CTNNA2: variants seen among roughly 807,000 people sequenced by gnomAD.
CTNNA2 encodes the protein catenin alpha-2.
A neutral mutation model predicts 101.0 loss-of-function variants in CTNNA2; 42 were observed. The ratio of observed to expected loss-of-function variants is 0.42; its 90% CI spans 0.32 to 0.54. The LOEUF (loss-of-function observed/expected upper bound fraction) is 0.54. Among genes scored for constraint, CTNNA2 ranks in the 20% least tolerant of loss-of-function variants. The pLI, the probability that CTNNA2 is intolerant of heterozygous loss-of-function variation, is 0.14. For synonymous variants in CTNNA2, 450 were observed against 456.4 expected (o/e 0.99, Z 0.18); for missense variants, 871 against 1,223.1 (o/e 0.71, Z 4.29).
At chr2:80,461,941 G>A (rs1572948496) in intron 9 of CTNNA2, among the ~76,000 whole-genome samples, 1 of 152,200 alleles carries the variant, frequency 6.6e-6, no homozygotes, top group Admixed American at 6.5e-5. Context: ...AGGTTGAGTG[G>A]GCTTTGTGCT....
In CTNNA2 at chr2:80,648,068, C is replaced by T; in HGVS notation, c.*196C>T. 2.0e-6 allele frequency: 1 copy of T among 507,104 alleles called. No homozygotes were observed. The highest frequency in any genetic ancestry group is 3.5e-6 in the Non-Finnish European group (1 of 289,482). 31.4% of individuals were successfully genotyped at this position (507,104 alleles called of 1,614,324 possible). A position where few individuals can be genotyped will look rare whatever the true frequency, so the allele number is the denominator to read the frequency against. On this transcript the variant is annotated 3_prime_UTR_variant, in exon 19 of 19. Coordinates refer to ENST00000402739, the MANE Select transcript of CTNNA2 (RefSeq NM_001282597.3). ...TCTGTAGCCTGGGAAGGAGACAGGA[C>T]ATTCCTGTACTAAGGTGGCACAGAG...
At position 80,427,593 on chromosome 2, in the gene CTNNA2, ATCT is replaced by A. The variant is rs76257393; in HGVS notation, c.1290+7997_1290+7999del. Among the ~76,000 whole-genome samples, 70 of 152,312 alleles carry A rather than the reference ATCT, an allele frequency of 4.6e-4. 1 individual carries two copies. The East Asian group carries it at 0.013, about 29-fold the overall frequency. ...CAAGGGAATCTCAATTCTTTGCTTC[ATCT>A]TCTTGACTTAGTTACTCCTGATAGC... On this transcript the variant is annotated intron_variant, in intron 9 of 18. Coordinates refer to ENST00000402739, the MANE Select transcript of CTNNA2 (RefSeq NM_001282597.3).
intron 9 of CTNNA2, among the ~76,000 whole-genome samples, chr2:80,454,289 G>A (rs550313247): frequency 4.6e-5 from 7 of 152,258 alleles, no homozygotes; most frequent in Admixed American, 3.3e-4. Flanking sequence ...CTCATTGCAG[G>A]AAGAGCTTTC....
chr2:79,813,509 G>C (rs1344605041), intron 3 of CTNNA2, among the ~76,000 whole-genome samples: 1 of 152,136 alleles, frequency 6.6e-6, no homozygotes, highest in Non-Finnish European at 1.5e-5. Context: ...TGAGCAAATG[G>C]TGGCATCATT....
At chr2:80,599,189 C>T (rs1305982314) in intron 15 of CTNNA2, among the ~76,000 whole-genome samples, 2 of 152,124 alleles carry the variant, frequency 1.3e-5, no homozygotes, top group Non-Finnish European at 2.9e-5. Flanking sequence ...TAAAATTAAA[C>T]TTAGTTCCTC....
chr2:80,267,031 G>A (rs1451745627), intron 7 of CTNNA2, among the ~76,000 whole-genome samples: 1 of 152,152 alleles, frequency 6.6e-6, no homozygotes, highest in African/African-American at 2.4e-5. Flanking sequence ...ATGTTGTGAG[G>A]ATCAAGGAAG....
At chr2:80,144,738 A>G (rs576093497) in intron 7 of CTNNA2, among the ~76,000 whole-genome samples, 1 of 152,220 alleles carries the variant, frequency 6.6e-6, no homozygotes, top group African/African-American at 2.4e-5. Flanking sequence ...TAACCACACA[A>G]TCTTCATTAA....
chr2:80,263,916 G>A (rs1433777242), intron 7 of CTNNA2, among the ~76,000 whole-genome samples: 1 of 152,130 alleles, frequency 6.6e-6, no homozygotes, highest in Non-Finnish European at 1.5e-5. Flanking sequence ...TGAAAGCAAT[G>A]CATTATTGCA....
chr2:79,939,904 C>T (rs1241780786), intron 7 of CTNNA2, among the ~76,000 whole-genome samples: 4 of 152,070 alleles, frequency 2.6e-5, no homozygotes, highest in Non-Finnish European at 4.4e-5. Flanking sequence ...ACCAGCCTGA[C>T]CAACAGGGAG....
At chr2:80,359,971 TTG>T (rs1559042555) in intron 7 of CTNNA2, among the ~76,000 whole-genome samples, 1 of 152,178 alleles carries the variant, frequency 6.6e-6, no homozygotes, top group Admixed American at 6.5e-5. Context: ...GTCAGTAAAT[TTG>T]GGGATAACTA....
intron 7 of CTNNA2, among the ~76,000 whole-genome samples, chr2:80,086,556 C>T (rs967184330): frequency 3.3e-5 from 5 of 152,008 alleles, no homozygotes; most frequent in African/African-American, 7.2e-5. Flanking sequence ...CAAAAGGGCT[C>T]TGACTTAGGA....
chr2:80,207,269 T>G (rs1707592513), intron 7 of CTNNA2, among the ~76,000 whole-genome samples: 1 of 152,178 alleles, frequency 6.6e-6, no homozygotes, highest in South Asian at 2.1e-4. Context: ...GTAGGAGGTG[T>G]GGTACAATAG....
At chr2:79,838,149 G>T (rs1679534561) in intron 3 of CTNNA2, among the ~76,000 whole-genome samples, 1 of 152,090 alleles carries the variant, frequency 6.6e-6, no homozygotes, top group East Asian at 1.9e-4. Flanking sequence ...ATAATAAAGT[G>T]AACCAAATAT....
intron 3 of CTNNA2, among the ~76,000 whole-genome samples, chr2:79,767,161 G>A (rs999853038): frequency 6.6e-5 from 10 of 151,788 alleles, no homozygotes; most frequent in Non-Finnish European, 1.5e-4. Context: ...TATGCCAATT[G>A]CATTTTTTGG....
chr2:79,797,963 G>T (rs1675851951), intron 3 of CTNNA2, among the ~76,000 whole-genome samples: 2 of 151,896 alleles, frequency 1.3e-5, no homozygotes, highest in Non-Finnish European at 1.5e-5. Context: ...CCCTCTTACT[G>T]ACACTGACAC....
In CTNNA2 at chr2:79,241,237, C is replaced by A. The variant is rs1996868; in HGVS notation, c.-406+43161C>A. ...TTTATAAACAAGTGCATTTTTTTCA[C>A]AATAGTCCTGAAACAAATACTAATA... On this transcript the variant is annotated intron_variant, in intron 2 of 21. Coordinates refer to the CTNNA2 transcript ENST00000466387. Among the ~76,000 whole-genome samples the A allele has an allele frequency of 1.3e-3, 198 of 152,108 alleles. No individual in the cohort carries two copies. In the East Asian group the frequency reaches 0.034, roughly 26 times the overall value.
chr2:79,560,681 A>C (rs1674721395), intron 1 of CTNNA2, among the ~76,000 whole-genome samples: 1 of 151,938 alleles, frequency 6.6e-6, no homozygotes, highest in South Asian at 2.1e-4. Context: ...TCTAAATTTC[A>C]GAGAAAAGAG....
intron 4 of CTNNA2, chr2:79,499,084 C>T (rs770664084): frequency 6.6e-6 from 1 of 152,104 alleles, no homozygotes; most frequent in Non-Finnish European, 1.5e-5. Flanking sequence ...TTTCCTAAGG[C>T]AGAAGAAGTG....
intron 5 of CTNNA2, among the ~76,000 whole-genome samples, chr2:79,506,258 A>G (rs1573200115): frequency 6.6e-6 from 1 of 151,666 alleles, no homozygotes; most frequent in East Asian, 1.9e-4. Flanking sequence ...TGGAACATAT[A>G]TTTTTTTCTA....
Sources: gnomAD v4.1 joint callset for allele counts (sites outside exome capture counted in the v4.1 genomes callset) on GRCh38, gnomAD v4.1.1 for gene constraint, MANE v1.5 for transcripts, NCBI Gene and HGNC (gene_info 2026-07-23, HGNC 2026-07-21) for gene names.